Variants in WDR17 observed in about 807,000 individuals in gnomAD.
WDR17 encodes WD repeat-containing protein 17.
In WDR17, 143 loss-of-function variants were observed where a neutral mutation model predicts 161.7. The observed-to-expected ratio is 0.88, with a 90% confidence interval of 0.77 to 1.02. WDR17 has a LOEUF of 1.02. Ranked by LOEUF, WDR17 falls within the 50% of genes least tolerant of loss-of-function variation. The pLI is 0.00. For missense variants in WDR17, 1,469 were observed against 1,520.9 expected (o/e 0.97, Z 0.57); for synonymous variants, 517 against 515.6 (o/e 1.00, Z -0.04).
At chr4:176,168,912 A>G in intron 23 of WDR17, 129 bp downstream of exon 23, 1 of 992,492 alleles carries the variant, frequency 1.0e-6, no homozygotes, top group East Asian at 2.6e-5. Context: ...CTACAAGTAC[A>G]ACAAAAGTGT....
Position 176,149,839 on chromosome 4 carries a change from A to G in WDR17, c.1930A>G (p.Met644Val), listed in dbSNP as rs199732832. 3.3e-5 allele frequency: 54 copies of G among 1,614,006 alleles called. No homozygotes were observed. In the Admixed American group the frequency reaches 5.2e-4, roughly 15 times the overall value. ...CTGCCATCCCAGTCGCCCCTTCACT[A>G]TGGCCTCTTGCTCCCGTGACTCTAC... ...LTCHPSRPFT[M>V]ASCSRDSTVR... is the part of the protein sequence containing the mutation. The change falls in exon 14 of 29, where the codon ATG becomes GTG. Residue 644 changes from methionine (M) to valine (V), a missense_variant. Met to Val is a conservative substitution (Grantham distance 21). Coordinates refer to ENST00000508596, the MANE Select transcript of WDR17 (RefSeq NM_181265.4).
intron 2 of WDR17, among the ~76,000 whole-genome samples, chr4:176,115,192 C>A (rs1328435809): frequency 2.0e-5 from 3 of 151,652 alleles, no homozygotes; most frequent in Non-Finnish European, 4.4e-5. Flanking sequence ...CCAAAACATG[C>A]TAAAAATGAT....
intron 1 of WDR17, among the ~76,000 whole-genome samples, chr4:176,081,929 T>C (rs1402483484): frequency 1.3e-5 from 2 of 152,116 alleles, no homozygotes; most frequent in East Asian, 3.9e-4. Flanking sequence ...ATTCCACCTG[T>C]ACCAAAAGAA....
intron 1 of WDR17, among the ~76,000 whole-genome samples, chr4:176,067,290 C>T (rs1343505077): frequency 6.6e-6 from 1 of 152,076 alleles, no homozygotes; most frequent in East Asian, 1.9e-4. Context: ...GTTGTCAATT[C>T]GTTAATATTT....
Position 176,177,160 on chromosome 4 carries a change from A to G in WDR17, c.3548+4A>G. The stretch of plus-strand genomic sequence containing the variant: ...CTTGCACACAGTCCACCAACAGGTG[A>G]GCAAATATGATATAAAAATTGGAAT... On this transcript the variant is annotated splice_donor_region_variant and intron_variant, in intron 27 of 28. Transcript: ENST00000508596. 6.2e-7 allele frequency: 1 copy of G among 1,609,578 alleles called. No individual in the cohort carries two copies. The highest frequency in any genetic ancestry group is 8.5e-7 in the Non-Finnish European group (1 of 1,176,442).
intron 4 of WDR17, among the ~76,000 whole-genome samples, chr4:176,123,787 T>G (rs1741983337): frequency 6.6e-6 from 1 of 152,174 alleles, no homozygotes; most frequent in Admixed American, 6.5e-5. Context: ...GATTAAAACA[T>G]TGGCCCTTGG....
chr4:176,163,540 A>C (rs1213713827), intron 22 of WDR17, among the ~76,000 whole-genome samples: 1 of 152,198 alleles, frequency 6.6e-6, no homozygotes, highest in Non-Finnish European at 1.5e-5. Flanking sequence ...TGTTTCAAGC[A>C]CTTAAAGTAT....
At chr4:176,156,524 C>G (rs1043003695) in intron 18 of WDR17, among the ~76,000 whole-genome samples, 1 of 152,086 alleles carries the variant, frequency 6.6e-6, no homozygotes, top group Non-Finnish European at 1.5e-5. Context: ...TCTGTAGGCA[C>G]TAATTCCTGC....
At chr4:176,101,534 G>A (rs1045927580) in intron 1 of WDR17, among the ~76,000 whole-genome samples, 1 of 152,100 alleles carries the variant, frequency 6.6e-6, no homozygotes, top group Non-Finnish European at 1.5e-5. Flanking sequence ...CAATTAATTT[G>A]CTAATAGCTT....
intron 16 of WDR17, 72 bp downstream of exon 16, chr4:176,150,665 A>T: frequency 7.1e-7 from 1 of 1,416,778 alleles, no homozygotes; most frequent in Non-Finnish European, 9.4e-7. Flanking sequence ...TGTAAAAATG[A>T]TTTTAAAAAT....
chr4:176,108,406 A>G (rs1739157433), intron 1 of WDR17, among the ~76,000 whole-genome samples: 2 of 152,106 alleles, frequency 1.3e-5, no homozygotes, highest in Non-Finnish European at 2.9e-5. Context: ...AGTTGTTGCC[A>G]GGAATTGGGG....
chr4:176,122,039 C>T (rs1335256815), intron 4 of WDR17, among the ~76,000 whole-genome samples: 1 of 152,170 alleles, frequency 6.6e-6, no homozygotes, highest in Non-Finnish European at 1.5e-5. Flanking sequence ...CTTAGAACAG[C>T]ATAAATTTTA....
At position 176,148,310 on chromosome 4, in the gene WDR17, G is replaced by C; in HGVS notation, c.1872G>C (p.Val624=). The change falls in exon 13 of 29, where the codon GTG becomes GTC. Residue 624 remains valine, a synonymous_variant. Transcript: ENST00000508596. ...DTREGTCVDT[V]YDHGADVYGL... is the part of the protein sequence containing the mutation. ...GAGAAGGAACTTGTGTGGATACTGT[G>C]TATGATCACGGTGCAGATGTATATG... 1.9e-6 allele frequency: 3 copies of C among 1,613,956 alleles called. No individual in the cohort carries two copies. Among genetic ancestry groups the C allele is most frequent in the Non-Finnish European group, 2.5e-6 (3 of 1,179,912 alleles).
intron 1 of WDR17, among the ~76,000 whole-genome samples, chr4:176,070,721 A>T (rs375541013): frequency 6.6e-6 from 1 of 151,452 alleles, no homozygotes; most frequent in East Asian, 1.9e-4. Context: ...ACAGCTCACT[A>T]TGTTGCCCAG....
intron 1 of WDR17, among the ~76,000 whole-genome samples, chr4:176,086,707 A>C (rs1415155897): frequency 6.6e-6 from 1 of 151,772 alleles, no homozygotes; most frequent in African/African-American, 2.4e-5. Context: ...CTATGTAAAG[A>C]GCTGAATTTT....
chr4:176,138,356 G>GAAGT (rs1744734630), intron 9 of WDR17, among the ~76,000 whole-genome samples: 1 of 151,620 alleles, frequency 6.6e-6, no homozygotes. Context: ...TTATCCCTTT[G>GAAGT]AAGATGCTCC....
At chr4:176,088,400 C>A (rs996598147) in intron 1 of WDR17, among the ~76,000 whole-genome samples, 3 of 152,060 alleles carry the variant, frequency 2.0e-5, no homozygotes, top group Non-Finnish European at 1.5e-5. Context: ...GTCTGGGCAA[C>A]ATAGTGAGAC....
At chr4:176,094,212 A>G (rs924562120) in intron 1 of WDR17, among the ~76,000 whole-genome samples, 3 of 152,158 alleles carry the variant, frequency 2.0e-5, no homozygotes, top group African/African-American at 4.8e-5. Flanking sequence ...ATCTTTTCCA[A>G]GTTTCAGGAA....
intron 1 of WDR17, among the ~76,000 whole-genome samples, chr4:176,076,090 A>G (rs1336581788): frequency 6.6e-6 from 1 of 151,836 alleles, no homozygotes; most frequent in African/African-American, 2.4e-5. Context: ...GTTTTTTTCC[A>G]CTTGTACATA....
Sources: allele counts gnomAD v4.1 joint callset (sites outside exome capture counted in the v4.1 genomes callset), GRCh38; gene constraint gnomAD v4.1.1; transcripts MANE v1.5; gene names NCBI Gene and HGNC (gene_info 2026-07-23, HGNC 2026-07-21).